SNX29: variants seen among roughly 807,000 people sequenced by gnomAD.
SNX29 encodes the protein sorting nexin-29.
SNX29 carries 78 observed loss-of-function variants against 102.1 expected under a neutral mutation model. That is an observed-to-expected ratio of 0.76 (90% CI 0.64 to 0.92). SNX29 has a LOEUF of 0.92. Among genes scored for constraint, SNX29 ranks in the 40% least tolerant of loss-of-function variants. The pLI, the probability that SNX29 is intolerant of heterozygous loss-of-function variation, is 0.00. For missense variants in SNX29, 1,280 were observed against 1,061.7 expected (o/e 1.21, Z -2.86); for synonymous variants, 580 against 414.5 (o/e 1.40, Z -4.85).
At chr16:12,303,969 G>A (rs949900838) in intron 15 of SNX29, among the ~76,000 whole-genome samples, 2 of 152,116 alleles carry the variant, frequency 1.3e-5, no homozygotes, top group Non-Finnish European at 2.9e-5. Context: ...TTGGATGTCT[G>A]GCCCTGGGAT....
chr16:12,466,431 A>G (rs993288536), intron 18 of SNX29, among the ~76,000 whole-genome samples: 2 of 152,262 alleles, frequency 1.3e-5, no homozygotes, highest in Admixed American at 6.5e-5. Context: ...AACTTTTAAT[A>G]AAACTTTATA....
At chr16:12,054,905 C>G (rs1195207643) in intron 8 of SNX29, among the ~76,000 whole-genome samples, 2 of 152,114 alleles carry the variant, frequency 1.3e-5, no homozygotes, top group South Asian at 4.1e-4. Context: ...TTTGTTTTTG[C>G]TTTTTGTTAT....
At chr16:12,092,250 C>T (rs1343846081) in intron 11 of SNX29, among the ~76,000 whole-genome samples, 1 of 151,896 alleles carries the variant, frequency 6.6e-6, no homozygotes, top group East Asian at 1.9e-4. Flanking sequence ...TCCCCCAAAT[C>T]CTGCCTGACA....
intron 20 of SNX29, among the ~76,000 whole-genome samples, 197 bp from the exon 21 acceptor site, chr16:12,568,304 TAAAAA>T (rs34750195): frequency 2.1e-5 from 3 of 146,340 alleles, no homozygotes; most frequent in Non-Finnish European, 4.5e-5. Flanking sequence ...GGAGTGCTGT[TAAAAA>T]AAAAAAAATG....
At chr16:12,173,344 T>C (rs1053219834) in intron 13 of SNX29, among the ~76,000 whole-genome samples, 2 of 152,230 alleles carry the variant, frequency 1.3e-5, no homozygotes, top group Non-Finnish European at 2.9e-5. Flanking sequence ...TTTAGTTGGG[T>C]GTGACAAGAA....
chr16:12,336,932 T>G (rs1044566520), intron 15 of SNX29, among the ~76,000 whole-genome samples: 1 of 152,112 alleles, frequency 6.6e-6, no homozygotes, highest in Non-Finnish European at 1.5e-5. Flanking sequence ...GGCAACAAAG[T>G]AAGACCCTGT....
At chr16:12,015,945 A>T (rs1313083225) in intron 3 of SNX29, among the ~76,000 whole-genome samples, 1 of 149,616 alleles carries the variant, frequency 6.7e-6, no homozygotes, top group Non-Finnish European at 1.5e-5. Context: ...GCTCACTGCA[A>T]CCTCCACTTC....
chr16:12,568,753 A>G lies in SNX29; in HGVS notation c.*124A>G, dbSNP rs959482691. The G allele has an allele frequency of 2.4e-5, 33 of 1,390,528 alleles. No homozygotes were observed. Among genetic ancestry groups the G allele is most frequent in the East Asian group, 1.2e-4 (5 of 40,350 alleles). The allele number at this position is 1,390,528 out of a possible 1,614,324, so 86.1% of individuals were successfully genotyped here. On this transcript the variant is annotated 3_prime_UTR_variant, in exon 21 of 21. Coordinates refer to ENST00000566228, the MANE Select transcript of SNX29 (RefSeq NM_032167.5). Reference sequence around the variant, plus strand: ...CACCTGGTGATCCTGAGAGCACACGATTCCCAACAGTTACACAACACCCCG... The same window carrying G: ...CACCTGGTGATCCTGAGAGCACACGGTTCCCAACAGTTACACAACACCCCG...
intron 18 of SNX29, among the ~76,000 whole-genome samples, chr16:12,409,391 C>G (rs894449790): frequency 6.7e-6 from 1 of 149,288 alleles, no homozygotes; most frequent in Non-Finnish European, 1.5e-5. Context: ...CCCAAATTCC[C>G]TGACTCCAAA....
chr16:12,097,899 A>G, intron 11 of SNX29, among the ~76,000 whole-genome samples: 1 of 152,126 alleles, frequency 6.6e-6, no homozygotes, highest in East Asian at 1.9e-4. Context: ...GCTGGGTGTG[A>G]GTTTATTGGG....
Position 12,571,315 on chromosome 16 carries a change from G to A in SNX29, c.*2686G>A, listed in dbSNP as rs1189879748. On this transcript the variant is annotated 3_prime_UTR_variant, in exon 21 of 21. Coordinates refer to ENST00000566228, the MANE Select transcript of SNX29 (RefSeq NM_032167.5). The stretch of plus-strand genomic sequence containing the variant: ...TCCACACCCTGGAAATGTGTCAACT[G>A]CCTGTCAGCCTGGATTCAATTCTGA... 1.3e-5 allele frequency: 3 copies of A among 232,130 alleles called. No individual in the cohort carries two copies. Among genetic ancestry groups the A allele is most frequent in the African/African-American group, 4.4e-5 (2 of 45,388 alleles). The allele number at this position is 232,130 out of a possible 1,614,324, so 14.4% of individuals were successfully genotyped here.
chr16:12,462,610 AC>A (rs2086857799), intron 18 of SNX29, among the ~76,000 whole-genome samples: 2 of 151,846 alleles, frequency 1.3e-5, no homozygotes, highest in African/African-American at 4.9e-5. Flanking sequence ...ACACACACAC[AC>A]GTGACTGGAG....
chr16:12,026,059 G>A (rs1247212855), intron 3 of SNX29, among the ~76,000 whole-genome samples: 1 of 152,192 alleles, frequency 6.6e-6, no homozygotes, highest in African/African-American at 2.4e-5. Context: ...TAAACACCTG[G>A]AGTATTGTTA....
At chr16:12,519,123 T>C (rs1010772464) in intron 19 of SNX29, among the ~76,000 whole-genome samples, 2 of 152,146 alleles carry the variant, frequency 1.3e-5, no homozygotes, top group African/African-American at 4.8e-5. Flanking sequence ...CTGCTCATTA[T>C]TTAAAGGGAA....
intron 18 of SNX29, among the ~76,000 whole-genome samples, chr16:12,468,562 G>A (rs949334654): frequency 3.3e-5 from 5 of 151,926 alleles, no homozygotes; most frequent in Non-Finnish European, 7.4e-5. Flanking sequence ...GCCCCCTCCC[G>A]CAGCCCTCAT....
At chr16:12,551,458 C>A (rs566837309) in intron 20 of SNX29, among the ~76,000 whole-genome samples, 64 of 152,314 alleles carry the variant, frequency 4.2e-4, no homozygotes, top group South Asian at 1.5e-3. Flanking sequence ...TTTAAAAATA[C>A]AGAGGCCAGG....
At chr16:12,192,744 C>T (rs551522268) in intron 13 of SNX29, among the ~76,000 whole-genome samples, 1 of 152,114 alleles carries the variant, frequency 6.6e-6, no homozygotes, top group South Asian at 2.1e-4. Context: ...TCACTTTCAC[C>T]CAGGCTGGAG....
chr16:12,557,083 A>C (rs1430387351), intron 20 of SNX29, among the ~76,000 whole-genome samples: 1 of 145,750 alleles, frequency 6.9e-6, no homozygotes. Flanking sequence ...TGCCAGGCTC[A>C]AGCCATCTAG....
At chr16:12,336,252 A>G (rs917538992) in intron 15 of SNX29, among the ~76,000 whole-genome samples, 6 of 152,152 alleles carry the variant, frequency 3.9e-5, no homozygotes, top group African/African-American at 7.2e-5. Flanking sequence ...CGCTCACTGT[A>G]ACACAGTTAA....
Sources: allele counts gnomAD v4.1 joint callset (sites outside exome capture counted in the v4.1 genomes callset), GRCh38; gene constraint gnomAD v4.1.1; transcripts MANE v1.5; gene names NCBI Gene and HGNC (gene_info 2026-07-23, HGNC 2026-07-21).